The following NCOR1 variants were observed in gnomAD, a reference collection of about 807,000 sequenced individuals.
NCOR1 encodes nuclear receptor corepressor 1.
In NCOR1, 63 loss-of-function variants were observed where a neutral mutation model predicts 288.1. The observed-to-expected ratio is 0.22, with a 90% CI of 0.18 to 0.27. NCOR1 has a LOEUF of 0.27. NCOR1 is among the 10% of genes least tolerant of loss of function. The pLI is 1.00. For synonymous variants in NCOR1, 1,007 were observed against 1,065.9 expected (o/e 0.94, Z 1.08); for missense variants, 2,397 against 3,019.2 (o/e 0.79, Z 4.83).
chr17:16,039,784 CCA>C (rs978819892), intron 43 of NCOR1, 130 bp from the exon 44 acceptor site: 7 of 788,654 alleles, frequency 8.9e-6, no homozygotes, highest in Non-Finnish European at 1.4e-5. Context: ...CCAGGACCCA[CCA>C]CACAGAGACC....
At chr17:16,164,940 A>G (rs746486901) in intron 5 of NCOR1, 39 bp downstream of exon 5, 1 of 1,379,432 alleles carries the variant, frequency 7.2e-7, no homozygotes, top group African/African-American at 1.5e-5. Flanking sequence ...TAGGGAGACA[A>G]ACATACATTC....
At chr17:16,081,376 T>C (rs1003245895) in intron 23 of NCOR1, among the ~76,000 whole-genome samples, 1 of 21,414 alleles carries the variant, frequency 4.7e-5, no homozygotes, top group Admixed American at 8.5e-4. Flanking sequence ...TCTGGAAATA[T>C]TTATTTAAAA....
At chr17:16,128,056 T>G (rs1285293701) in intron 14 of NCOR1, among the ~76,000 whole-genome samples, 1 of 152,056 alleles carries the variant, frequency 6.6e-6, no homozygotes, top group Non-Finnish European at 1.5e-5. Flanking sequence ...TGGGATTACA[T>G]GCACGAGCCA....
intron 3 of NCOR1, among the ~76,000 whole-genome samples, chr17:16,183,668 T>C (rs897626906): frequency 2.0e-5 from 3 of 151,916 alleles, no homozygotes; most frequent in Admixed American, 6.6e-5. Flanking sequence ...CCCAAAGAAA[T>C]ATACAGTACA....
chr17:16,143,167 T>C (rs539924494), intron 11 of NCOR1, among the ~76,000 whole-genome samples: 5 of 152,308 alleles, frequency 3.3e-5, no homozygotes, highest in Non-Finnish European at 2.9e-5. Context: ...ATTTGTAAAA[T>C]ACATGCTCCT....
chr17:16,151,210 TA>T (rs201299273), intron 8 of NCOR1, among the ~76,000 whole-genome samples: 2 of 150,554 alleles, frequency 1.3e-5, no homozygotes, highest in South Asian at 2.1e-4. Flanking sequence ...ATTTTTTTTT[TA>T]AAAAAAAGAT....
chr17:16,071,728 C>CTG, intron 29 of NCOR1, 63 bp from the exon 30 acceptor site: 1 of 1,462,070 alleles, frequency 6.8e-7, no homozygotes. Flanking sequence ...TGCCACGGAA[C>CTG]TGTGCACTTA....
intron 10 of NCOR1, among the ~76,000 whole-genome samples, chr17:16,145,312 G>A (rs1467407017): frequency 6.6e-6 from 1 of 152,154 alleles, no homozygotes; most frequent in Non-Finnish European, 1.5e-5. Context: ...GCCTCTGCCC[G>A]GCCACCACCC....
chr17:16,054,070 T>TAAAAAAAAA (rs752015595), intron 40 of NCOR1, among the ~76,000 whole-genome samples: 136 of 71,716 alleles, frequency 1.9e-3, no homozygotes, highest in East Asian at 3.3e-3. Flanking sequence ...GACTTAAATG[T>TAAAAAAAAA]AAAAAAAAAA....
At chr17:16,061,023 A>G (rs2060495150) in intron 37 of NCOR1, among the ~76,000 whole-genome samples, 1 of 152,182 alleles carries the variant, frequency 6.6e-6, no homozygotes, top group Non-Finnish European at 1.5e-5. Context: ...AGGATATTAG[A>G]GGCTTTGGGG....
chr17:16,175,321 C>T (rs1599929760), intron 3 of NCOR1, among the ~76,000 whole-genome samples: 1 of 151,546 alleles, frequency 6.6e-6, no homozygotes, highest in South Asian at 2.1e-4. Flanking sequence ...GTCAAGATCA[C>T]GCCACTGCAC....
At position 16,095,860 on chromosome 17, in the gene NCOR1, C is replaced by T. The variant is rs528245744; in HGVS notation, c.2820+2507G>A. 8.5e-5 allele frequency among the ~76,000 whole-genome samples: 13 copies of T among 152,052 alleles called. No individual in the cohort carries two copies. The South Asian group carries it at 1.9e-3, about 22-fold the overall frequency. On this transcript the variant is annotated intron_variant, in intron 21 of 45. Coordinates refer to ENST00000268712, the MANE Select transcript of NCOR1 (RefSeq NM_006311.4). The stretch of plus-strand genomic sequence containing the variant: ...GCTCATTGAGAACGGGCCATGATGA[C>T]GATGGCGGTTTTGTGGAATAGAAAA...
chr17:16,123,741 T>C (rs755348673), intron 15 of NCOR1, among the ~76,000 whole-genome samples: 2 of 152,196 alleles, frequency 1.3e-5, no homozygotes, highest in Non-Finnish European at 2.9e-5. Context: ...TCCTCCAAAT[T>C]ATCCACAGAG....
At chr17:16,186,185 C>T (rs969549629) in intron 3 of NCOR1, among the ~76,000 whole-genome samples, 1 of 152,012 alleles carries the variant, frequency 6.6e-6, no homozygotes, top group Non-Finnish European at 1.5e-5. Flanking sequence ...TCAGAATTAC[C>T]GGAAAAACTT....
intron 20 of NCOR1, 100 bp from the exon 21 acceptor site, chr17:16,098,596 C>CACACATGG: frequency 1.1e-6 from 1 of 950,422 alleles, no homozygotes; most frequent in South Asian, 1.7e-5. Context: ...CATACACATG[C>CACACATGG]ACACATGGAC....
chr17:16,095,156 T>G (rs926532711), intron 21 of NCOR1, among the ~76,000 whole-genome samples: 7 of 149,008 alleles, frequency 4.7e-5, no homozygotes, highest in African/African-American at 1.8e-4. Context: ...ATCTAGGAAG[T>G]GAGGAACGTC....
intron 21 of NCOR1, among the ~76,000 whole-genome samples, chr17:16,097,442 GGA>G: frequency 6.6e-6 from 1 of 152,334 alleles, no homozygotes; most frequent in Admixed American, 6.5e-5. Context: ...TCCAGGGAGA[GGA>G]GAGGGGCTAA....
At chr17:16,150,897 G>T (rs913863261) in intron 8 of NCOR1, among the ~76,000 whole-genome samples, 5 of 151,984 alleles carry the variant, frequency 3.3e-5, no homozygotes, top group Admixed American at 3.3e-4. Context: ...CTTTTATTAT[G>T]AACCACTTAC....
chr17:16,053,982 G>C (rs1042071204), intron 40 of NCOR1, among the ~76,000 whole-genome samples: 7 of 149,880 alleles, frequency 4.7e-5, no homozygotes, highest in African/African-American at 1.7e-4. Context: ...GGGATAACTG[G>C]CTATCACATG....
Sources: gnomAD v4.1 joint callset for allele counts (sites outside exome capture counted in the v4.1 genomes callset) on GRCh38, gnomAD v4.1.1 for gene constraint, MANE v1.5 for transcripts, NCBI Gene and HGNC (gene_info 2026-07-23, HGNC 2026-07-21) for gene names.